Variants in TRMT11 observed in about 807,000 individuals in gnomAD.
TRMT11 encodes tRNA methyltransferase 11, also known as tRNA (guanine(10)-N(2))-methyltransferase TRMT11.
A neutral mutation model predicts 62.8 loss-of-function variants in TRMT11; 53 were observed. That is an observed-to-expected ratio of 0.84 (90% CI 0.68 to 1.06). The LOEUF is 1.06. Ranked by LOEUF, TRMT11 falls within the 50% of genes least tolerant of loss-of-function variation. TRMT11 has a pLI of 0.00. For synonymous variants in TRMT11, 188 were observed against 190.3 expected (o/e 0.99, Z 0.10); for missense variants, 556 against 553.4 (o/e 1.00, Z -0.05).
chr6:126,066,847 T>C (rs954427689), intron 17 of TRMT11, among the ~76,000 whole-genome samples: 2 of 151,916 alleles, frequency 1.3e-5, no homozygotes, highest in Non-Finnish European at 2.9e-5. Flanking sequence ...GTCTGGATTT[T>C]AGCCACAGTG....
the TRMT11 span, chr6:126,258,263 G>C: frequency 2.7e-5 from 15 of 551,808 alleles, no homozygotes; most frequent in East Asian, 2.7e-4. Flanking sequence ...TGCGGCCCTG[G>C]GGGGTGGGCT....
rs749747587 is a variant in TRMT11, at chr6:126,008,487, T to C, written c.760+15T>C. 3 of 1,601,074 alleles carry C rather than the reference T, an allele frequency of 1.9e-6. No homozygotes were observed. Among genetic ancestry groups the C allele is most frequent in the Non-Finnish European group, 1.7e-6 (2 of 1,168,414 alleles). On this transcript the variant is annotated intron_variant, in intron 8 of 12. Coordinates refer to ENST00000334379, the MANE Select transcript of TRMT11 (RefSeq NM_001031712.3). ...TCATGGCTTGGGTGAGTAGAGATTA[T>C]AGACAGTATTATAGTCATTGCTGTG...
At chr6:126,255,426 T>G in the TRMT11 span, among the ~76,000 whole-genome samples, 4 of 152,208 alleles carry the variant, frequency 2.6e-5, no homozygotes, top group African/African-American at 4.8e-5. Flanking sequence ...CTCATGTTAT[T>G]TATAGTAAAG....
the TRMT11 span, among the ~76,000 whole-genome samples, chr6:126,271,385 A>AT: frequency 6.7e-6 from 1 of 150,220 alleles, no homozygotes; most frequent in Admixed American, 6.7e-5. Context: ...AAAAAAAAAA[A>AT]AAAGAAAGTG....
the TRMT11 span, among the ~76,000 whole-genome samples, chr6:126,246,002 T>A: frequency 1.3e-5 from 2 of 152,162 alleles, no homozygotes; most frequent in Non-Finnish European, 1.5e-5. Flanking sequence ...GGTTGGACAC[T>A]GTGGCTTATG....
At chr6:126,109,945 A>T (rs1777511747) in intron 17 of TRMT11, among the ~76,000 whole-genome samples, 1 of 152,180 alleles carries the variant, frequency 6.6e-6, no homozygotes, top group Non-Finnish European at 1.5e-5. Context: ...ACCAAGCATG[A>T]CTTGAAGAAG....
At chr6:126,150,091 T>C (rs1444580969) in intron 21 of TRMT11, among the ~76,000 whole-genome samples, 1 of 152,162 alleles carries the variant, frequency 6.6e-6, no homozygotes, top group African/African-American at 2.4e-5. Context: ...CTCTCATAAA[T>C]AGATTAGTCC....
the TRMT11 span, among the ~76,000 whole-genome samples, chr6:126,264,659 G>T: frequency 6.6e-6 from 1 of 152,152 alleles, no homozygotes. Flanking sequence ...CAATCAGTTG[G>T]AAGTCCTGAA....
chr6:126,135,531 G>A (rs1272040745), intron 21 of TRMT11, among the ~76,000 whole-genome samples: 1 of 151,644 alleles, frequency 6.6e-6, no homozygotes, highest in Non-Finnish European at 1.5e-5. Context: ...GGACCTGAAG[G>A]ATTCACTGCT....
At chr6:126,105,859 G>A (rs1259230191) in intron 17 of TRMT11, among the ~76,000 whole-genome samples, 1 of 152,154 alleles carries the variant, frequency 6.6e-6, no homozygotes, top group African/African-American at 2.4e-5. Flanking sequence ...ACCAGGGGCT[G>A]TGTATTTAAC....
At chr6:126,231,596 T>C in the TRMT11 span, among the ~76,000 whole-genome samples, 4 of 152,180 alleles carry the variant, frequency 2.6e-5, no homozygotes, top group Non-Finnish European at 4.4e-5. Context: ...GCCTCTAACC[T>C]TACATCCTTC....
chr6:126,050,031 T>G (rs1288401267), intron 16 of TRMT11, among the ~76,000 whole-genome samples: 1 of 152,128 alleles, frequency 6.6e-6, no homozygotes, highest in Non-Finnish European at 1.5e-5. Context: ...AATGTCAGTC[T>G]AAAGAATTTG....
At chr6:125,986,680 A>T (rs554190420) in intron 1 of TRMT11, 58 bp downstream of exon 1, 3 of 1,486,552 alleles carry the variant, frequency 2.0e-6, no homozygotes, top group Non-Finnish European at 1.8e-6. Flanking sequence ...AGTGGAGTGG[A>T]GTGGGTGGAG....
upstream of TRMT11, among the ~76,000 whole-genome samples, chr6:126,174,656 T>C (rs1051877138): frequency 1.3e-5 from 2 of 152,210 alleles, no homozygotes; most frequent in Non-Finnish European, 1.5e-5. Context: ...TTATCACAGA[T>C]CTCTTGTGGA....
chr6:126,103,283 G>A (rs1777423512), intron 17 of TRMT11, among the ~76,000 whole-genome samples: 1 of 152,116 alleles, frequency 6.6e-6, no homozygotes, highest in Admixed American at 6.5e-5. Flanking sequence ...ACTCCTTCTT[G>A]TTTCTGGCTG....
At chr6:126,080,388 C>A (rs1777136334) in intron 17 of TRMT11, among the ~76,000 whole-genome samples, 1 of 152,044 alleles carries the variant, frequency 6.6e-6, no homozygotes, top group African/African-American at 2.4e-5. Flanking sequence ...CACTCACAGC[C>A]TGAAAAACTC....
In TRMT11 at chr6:126,058,863, G is replaced by A. The variant is rs553258920; in HGVS notation, c.*1437+5673G>A. Among the ~76,000 whole-genome samples, 43 of 152,204 alleles carry A rather than the reference G, an allele frequency of 2.8e-4. 3 individuals are homozygous for A. The South Asian group carries it at 8.3e-3, about 29-fold the overall frequency. On this transcript the variant is annotated intron_variant and NMD_transcript_variant, in intron 17 of 22. Transcript: ENST00000648977. ...TTCCTGGACATATACATCCCCAGTG[G>A]TATTTCAAAAGGATAGGGCCCACGG...
the TRMT11 span, among the ~76,000 whole-genome samples, chr6:126,272,273 C>A: frequency 6.6e-6 from 1 of 152,096 alleles, no homozygotes; most frequent in Non-Finnish European, 1.5e-5. Context: ...GTATTTTCTG[C>A]ATATTGTATG....
In TRMT11 at chr6:125,998,310, A is replaced by C; in HGVS notation, c.382A>C (p.Ile128Leu). The part of the protein sequence containing the change: ...TLTQEEKIKR[I>L]DALEFLPFEG... ...GACACAAGAAGAGAAAATCAAGCGA[A>C]TAGATGTAAGTAAATTTAGCAAAAC... The change falls in exon 5 of 13, where the codon ATA (isoleucine) becomes CTA (leucine). Residue 128 changes from isoleucine to leucine, a missense_variant. Coordinates refer to ENST00000334379, the MANE Select transcript of TRMT11 (RefSeq NM_001031712.3). 1 of 1,587,106 alleles carries C rather than the reference A, an allele frequency of 6.3e-7. No individual in the cohort carries two copies. The highest frequency in any genetic ancestry group is 8.6e-7 in the Non-Finnish European group (1 of 1,158,640).
Sources: allele counts gnomAD v4.1 joint callset (sites outside exome capture counted in the v4.1 genomes callset), GRCh38; gene constraint gnomAD v4.1.1; transcripts MANE v1.5; gene names NCBI Gene and HGNC (gene_info 2026-07-23, HGNC 2026-07-21).